The following ESR1 variants were observed in gnomAD, a reference collection of about 807,000 sequenced individuals.
ESR1 encodes estrogen receptor.
Under a neutral mutation model 52.7 loss-of-function variants are expected in ESR1, and 12 were observed. The ratio of observed to expected loss-of-function variants is 0.23; its 90% confidence interval spans 0.15 to 0.37. ESR1 has a LOEUF of 0.37. ESR1 is among the 10% of genes least tolerant of loss of function. ESR1 has a pLI of 1.00. For synonymous variants in ESR1, 305 were observed against 316.8 expected (o/e 0.96, Z 0.39); for missense variants, 584 against 779.7 (o/e 0.75, Z 2.99).
chr6:151,956,863 A>ATATATATAT (rs1175773832), intron 4 of ESR1, among the ~76,000 whole-genome samples: 10 of 53,900 alleles, frequency 1.9e-4, no homozygotes, highest in African/African-American at 4.8e-4. Flanking sequence ...TATATATATA[A>ATATATATAT]ATATATATAT....
chr6:151,965,324 C>G (rs1443142468), intron 4 of ESR1, among the ~76,000 whole-genome samples: 1 of 152,018 alleles, frequency 6.6e-6, no homozygotes, highest in Non-Finnish European at 1.5e-5. Flanking sequence ...TACTTATTTG[C>G]TTATTTCTTT....
At chr6:152,090,830 C>G (rs1328747391) in intron 6 of ESR1, among the ~76,000 whole-genome samples, 1 of 152,108 alleles carries the variant, frequency 6.6e-6, no homozygotes, top group African/African-American at 2.4e-5. Context: ...GGCTTCACTC[C>G]CCTTTCGTTT....
intron 1 of ESR1, among the ~76,000 whole-genome samples, chr6:151,670,646 C>T (rs147731864): frequency 8.2e-4 from 125 of 152,186 alleles, no homozygotes; most frequent in Non-Finnish European, 1.3e-3. Flanking sequence ...TGCAGTGGCA[C>T]GATCTTGGCT....
chr6:151,959,186 T>C (rs966032251), intron 4 of ESR1, among the ~76,000 whole-genome samples: 5 of 152,158 alleles, frequency 3.3e-5, no homozygotes, highest in Non-Finnish European at 7.3e-5. Flanking sequence ...ACTAAGTATT[T>C]AGCAGGAAAT....
chr6:151,870,125 T>C (rs1790690666), intron 2 of ESR1, among the ~76,000 whole-genome samples: 1 of 152,240 alleles, frequency 6.6e-6, no homozygotes, highest in Non-Finnish European at 1.5e-5. Flanking sequence ...CCAAACATAA[T>C]ACTGCAGTTG....
intron 6 of ESR1, among the ~76,000 whole-genome samples, chr6:152,068,467 C>T (rs1299778959): frequency 1.3e-5 from 2 of 152,116 alleles, no homozygotes; most frequent in Non-Finnish European, 2.9e-5. Flanking sequence ...TCTGTATGAG[C>T]ACCCACACCC....
intron 2 of ESR1, among the ~76,000 whole-genome samples, chr6:151,860,958 T>C (rs1788772973): frequency 6.6e-6 from 1 of 152,226 alleles, no homozygotes; most frequent in Non-Finnish European, 1.5e-5. Flanking sequence ...CATGTATCCT[T>C]GGGCTCAAAT....
At chr6:151,878,130 G>A (rs1792173041) in intron 2 of ESR1, among the ~76,000 whole-genome samples, 1 of 151,982 alleles carries the variant, frequency 6.6e-6, no homozygotes, top group South Asian at 2.1e-4. Flanking sequence ...CTCATTTTTT[G>A]TTAAAAGCTG....
At chr6:151,755,651 T>A (rs1420668367) in intron 2 of ESR1, among the ~76,000 whole-genome samples, 1 of 151,760 alleles carries the variant, frequency 6.6e-6, no homozygotes, top group Non-Finnish European at 1.5e-5. Context: ...TTTTTTTTTT[T>A]ACAGAATCTT....
chr6:151,880,579 C>T, intron 2 of ESR1, 76 bp from the exon 3 acceptor site: 1 of 907,818 alleles, frequency 1.1e-6, no homozygotes, highest in African/African-American at 1.6e-5. Context: ...AAACAGCCTC[C>T]AAAAGGTTTC....
At chr6:151,930,819 C>G (rs922528310) in intron 3 of ESR1, among the ~76,000 whole-genome samples, 16 of 152,006 alleles carry the variant, frequency 1.1e-4, no homozygotes, top group Non-Finnish European at 1.9e-4. Context: ...CTAAATTGGT[C>G]ACTTTTTTCA....
chr6:151,711,780 T>C (rs1780632804), intron 2 of ESR1, among the ~76,000 whole-genome samples: 1 of 152,194 alleles, frequency 6.6e-6, no homozygotes, highest in Admixed American at 6.5e-5. Flanking sequence ...ACGAAATTTT[T>C]CCCCCATTCT....
chr6:152,033,177 C>A (rs551027046), intron 5 of ESR1, among the ~76,000 whole-genome samples: 15 of 152,136 alleles, frequency 9.9e-5, no homozygotes, highest in African/African-American at 2.9e-4. Context: ...AGATCAAAAA[C>A]CATAAAAACC....
chr6:151,745,959 A>T (rs1319356522), intron 2 of ESR1, among the ~76,000 whole-genome samples: 1 of 152,250 alleles, frequency 6.6e-6, no homozygotes, highest in Middle Eastern at 3.4e-3. Context: ...TTACTACTTT[A>T]GATACCTCAT....
At chr6:151,864,531 G>A (rs1373053831) in intron 2 of ESR1, among the ~76,000 whole-genome samples, 4 of 152,072 alleles carry the variant, frequency 2.6e-5, no homozygotes, top group South Asian at 2.1e-4. Context: ...ACAGTGTGGC[G>A]ATTCCTCAGG....
At chr6:151,841,847 G>A (rs1784338850) in intron 1 of ESR1, among the ~76,000 whole-genome samples, 1 of 151,966 alleles carries the variant, frequency 6.6e-6, no homozygotes, top group Non-Finnish European at 1.5e-5. Flanking sequence ...CAAGTAGCTA[G>A]GACTACAGTC....
chr6:151,955,287 G>A (rs2036779982), intron 4 of ESR1, among the ~76,000 whole-genome samples: 1 of 152,124 alleles, frequency 6.6e-6, no homozygotes, highest in African/African-American at 2.4e-5. Flanking sequence ...TTTTTAAAAA[G>A]AGGGTATATT....
Position 151,833,080 on chromosome 6 carries a change from G to A in ESR1, c.453-9517G>A, listed in dbSNP as rs56863666. On this transcript the variant is annotated intron_variant, in intron 1 of 7. Coordinates refer to ENST00000206249, the MANE Select transcript of ESR1 (RefSeq NM_000125.4). ...GGCTGCTACCTGAGAAGGGGTAATT[G>A]TCACTCAGGAGGTTTTTGCCTTTTG... Among the ~76,000 whole-genome samples the A allele has an allele frequency of 6.3e-3, 956 of 152,312 alleles. 12 individuals are homozygous for A. The highest frequency in any genetic ancestry group is 0.022 in the African/African-American group (922 of 41,560).
chr6:151,767,020 G>A (rs7742074), intron 2 of ESR1, among the ~76,000 whole-genome samples: 22,720 of 152,178 alleles, frequency 0.15, 2,013 homozygotes, highest in East Asian at 0.39. Flanking sequence ...AGACATCTGA[G>A]AAATGAAAAT....
Sources: allele counts gnomAD v4.1 joint callset (sites outside exome capture counted in the v4.1 genomes callset), GRCh38; gene constraint gnomAD v4.1.1; transcripts MANE v1.5; gene names NCBI Gene and HGNC (gene_info 2026-07-23, HGNC 2026-07-21).